TTC38: variants seen among roughly 807,000 people sequenced by gnomAD.
TTC38 encodes the protein tetratricopeptide repeat domain 38, also known as tetratricopeptide repeat protein 38.
In TTC38, 64 loss-of-function variants were observed where a neutral mutation model predicts 64.2. The observed-to-expected ratio is 1.00, with a 90% CI of 0.81 to 1.23. The LOEUF (loss-of-function observed/expected upper bound fraction) is 1.23. TTC38 is among the 50% of genes most tolerant of loss of function. TTC38 has a pLI of 0.00. For synonymous variants in TTC38, 254 were observed against 249.3 expected, an observed-to-expected ratio of 1.02 and a Z score of -0.18; for missense variants, 573 against 615.5, an observed-to-expected ratio of 0.93 and a Z score of 0.73.
intron 1 of TTC38, 74 bp from the exon 2 acceptor site, chr22:46,268,440 G>A (rs1262527926): frequency 1.3e-6 from 2 of 1,492,764 alleles, no homozygotes; most frequent in Non-Finnish European, 1.9e-6. Flanking sequence ...AGAGGGGCCA[G>A]GAGACGTGTG....
intron 11 of TTC38, 45 bp from the exon 12 acceptor site, chr22:46,289,357 T>C: frequency 6.3e-7 from 1 of 1,589,764 alleles, no homozygotes; most frequent in East Asian, 2.3e-5. Flanking sequence ...TTCCCGGATG[T>C]TCTGTGATGG....
Position 46,283,994 on chromosome 22 carries a change from C to A in TTC38, c.757C>A (p.His253Asn). The A allele has an allele frequency of 1.9e-6, 3 of 1,545,066 alleles. No homozygotes were observed. The highest frequency in any genetic ancestry group is 2.2e-5 in the South Asian group (2 of 89,650). ...FWKDSDMLAC[H>N]NYWHWALYLI... ...CCAGGACTCTGATATGTTGGCTTGT[C>A]ATAACTATTGGCACTGGGCTTTATA... The change falls in exon 8 of 14, where the codon CAT (histidine) becomes AAT (asparagine). Residue 253 changes from histidine to asparagine, a missense_variant. Physicochemically the swap from His to Asn is moderately conservative, Grantham distance 68 (BLOSUM62 1). Transcript: ENST00000381031.
intron 6 of TTC38, among the ~76,000 whole-genome samples, chr22:46,279,283 CTG>C (rs769328840): frequency 6.1e-4 from 93 of 152,298 alleles, no homozygotes; most frequent in Admixed American, 1.0e-3. Context: ...GGAGTGGAAA[CTG>C]AGGCCCATGG....
chr22:46,286,978 G>T, intron 9 of TTC38, 95 bp from the exon 10 acceptor site: 1 of 945,348 alleles, frequency 1.1e-6, no homozygotes, highest in Non-Finnish European at 1.6e-6. Context: ...CTCTATGCAG[G>T]CCCCACCCCA....
In TTC38 at chr22:46,273,907, A is replaced by G. The variant is rs758771596; in HGVS notation, c.203A>G (p.His68Arg). 6.2e-7 allele frequency: 1 copy of G among 1,614,232 alleles called. No homozygotes were observed. Among genetic ancestry groups the G allele is most frequent in the Non-Finnish European group, 8.5e-7 (1 of 1,180,048 alleles). Residue 68 changes from histidine (H) to arginine (R), a missense_variant, in exon 4 of 14, where the codon CAC becomes CGC. Physicochemically the swap from His to Arg is conservative, Grantham distance 29. This residue lies in a region of TTC38 where 134 missense variants were observed against 126.5 expected (regional missense o/e 1.06). Coordinates refer to ENST00000381031, the MANE Select transcript of TTC38 (RefSeq NM_017931.4). The surrounding 1 kb of genome is among the most constrained non-coding windows in gnomAD (Gnocchi z 5.1). ...TCTAACCTCCCACCAGTGATGGGCC[A>G]CGCCATGGCTACTGGCCTTGTGCTG... ...KAADPTFVMGHAMATGLVLIG... is the reference protein window; with the variant it reads ...KAADPTFVMGRAMATGLVLIG...
chr22:46,274,546 C>T lies in TTC38; in HGVS notation c.365+477C>T, dbSNP rs775155100. Among the ~76,000 whole-genome samples, 3 of 152,148 alleles carry T rather than the reference C, an allele frequency of 2.0e-5. No individual in the cohort carries two copies. The highest frequency in any genetic ancestry group is 2.9e-5 in the Non-Finnish European group (2 of 68,030). On this transcript the variant is annotated intron_variant, in intron 4 of 13. Coordinates refer to ENST00000381031, the MANE Select transcript of TTC38 (RefSeq NM_017931.4). The surrounding 1 kb of genome is among the most constrained non-coding windows in gnomAD (Gnocchi z 4.8). The stretch of plus-strand genomic sequence containing the variant: ...CAGCCCCCATGTCTGCTCAGGCAGG[C>T]GAGATGCCCTGCAGAGTTAGGCGAC...
chr22:46,276,056 C>T lies in TTC38; in HGVS notation c.539+635C>T, dbSNP rs1351438695. Among the ~76,000 whole-genome samples the T allele has an allele frequency of 1.3e-5, 2 of 152,220 alleles. No homozygotes were observed. The highest frequency in any genetic ancestry group is 2.9e-5 in the Non-Finnish European group (2 of 68,038). On this transcript the variant is annotated intron_variant, in intron 5 of 13. Transcript: ENST00000381031. This position sits in a 1 kb window ranked among gnomAD's most constrained non-coding sequence, Gnocchi z 4.7. ...GACTGACTTCACTGCAGCTTCATTA[C>T]AGAATAGTTGTGAGGTTCGGACAGG...
In TTC38 at chr22:46,275,627, G is replaced by C. The variant is rs1936992415; in HGVS notation, c.539+206G>C. Among the ~76,000 whole-genome samples the C allele has an allele frequency of 6.6e-6, 1 of 152,176 alleles. No individual in the cohort carries two copies. Among genetic ancestry groups the C allele is most frequent in the African/African-American group, 2.4e-5 (1 of 41,446 alleles). ...AGGTAGTACCATTATGTATCAGTCAGCATGGGATTGTTTTTGCTGCAGTAA... is the reference window on the plus strand; with the variant it reads ...AGGTAGTACCATTATGTATCAGTCACCATGGGATTGTTTTTGCTGCAGTAA... On this transcript the variant is annotated intron_variant, in intron 5 of 13. Transcript: ENST00000381031. The surrounding 1 kb of genome is among the most constrained non-coding windows in gnomAD (Gnocchi z 4.5).
rs376689777 is a variant in TTC38 at position 46,287,172 on chromosome 22, C to T, written c.916+18C>T. 5.0e-6 allele frequency: 8 copies of T among 1,588,932 alleles called. No homozygotes were observed. The African/African-American group carries it at 1.1e-4, about 21-fold the overall frequency. ...GATGGAAGGTAGCCATCCCTGCAGCCCCACTGGCTTCTGCCTCTTCCTCCC... is the reference window on the plus strand; with the variant it reads ...GATGGAAGGTAGCCATCCCTGCAGCTCCACTGGCTTCTGCCTCTTCCTCCC... On this transcript the variant is annotated intron_variant, in intron 10 of 13. Transcript: ENST00000381031.
intron 5 of TTC38, among the ~76,000 whole-genome samples, chr22:46,278,161 C>T (rs1057259786): frequency 1.3e-5 from 2 of 152,182 alleles, no homozygotes; most frequent in Non-Finnish European, 2.9e-5. Flanking sequence ...TGGTTTGGAG[C>T]AGCAGACAGG....
intron 13 of TTC38, 22 bp downstream of exon 13, chr22:46,289,921 A>C (rs1397289173): frequency 1.9e-6 from 3 of 1,610,492 alleles, no homozygotes; most frequent in Non-Finnish European, 2.5e-6. Context: ...GCCCCTGCCC[A>C]GCACTCCCGA....
chr22:46,284,410 C>G (rs1248023266), intron 8 of TTC38, among the ~76,000 whole-genome samples: 1 of 152,256 alleles, frequency 6.6e-6, no homozygotes, highest in African/African-American at 2.4e-5. Flanking sequence ...ATGTACAAGA[C>G]TGTCACTTGC....
rs761952799 is a variant in TTC38 at position 46,281,997 on chromosome 22, T to C, written c.735+279T>C. ...GCCTGGTCAGGAGGAGCGAGCAGCCTCTTCAAAGCACATGAGCTGCACCAT... is the reference window on the plus strand; with the variant it reads ...GCCTGGTCAGGAGGAGCGAGCAGCCCCTTCAAAGCACATGAGCTGCACCAT... On this transcript the variant is annotated intron_variant, in intron 7 of 13. Transcript: ENST00000381031. The surrounding 1 kb of genome is among the most constrained non-coding windows in gnomAD (Gnocchi z 5.2). 6 of 587,744 alleles carry C rather than the reference T, an allele frequency of 1.0e-5. No individual in the cohort carries two copies. Among genetic ancestry groups the C allele is most frequent in the South Asian group, 9.2e-5 (6 of 65,532 alleles). 36.4% of individuals were successfully genotyped at this position (587,744 alleles called of 1,614,324 possible).
chr22:46,274,148 C>T lies in TTC38; in HGVS notation c.365+79C>T. 1 of 1,040,876 alleles carries T rather than the reference C, an allele frequency of 9.6e-7. No individual in the cohort carries two copies. Among genetic ancestry groups the T allele is most frequent in the Admixed American group, 2.1e-5 (1 of 47,550 alleles). 64.5% of individuals were successfully genotyped at this position (1,040,876 alleles called of 1,614,324 possible). ...TGGCAGGGTATCCCTTTCCTGATGC[C>T]CTTGGGACGGGGGCGGGGTGGGAGA... On this transcript the variant is annotated intron_variant, in intron 4 of 13. Transcript: ENST00000381031. The surrounding 1 kb of genome is among the most constrained non-coding windows in gnomAD (Gnocchi z 4.8).
chr22:46,290,427 G>A (rs2077604993), intron 13 of TTC38, among the ~76,000 whole-genome samples: 2 of 142,904 alleles, frequency 1.4e-5, no homozygotes, highest in Non-Finnish European at 3.2e-5. Flanking sequence ...GGGCAGACCC[G>A]AAACCACAGT....
At position 46,281,505 on chromosome 22, in the gene TTC38, G is replaced by C; in HGVS notation, c.616-94G>C. 8.2e-6 allele frequency: 10 copies of C among 1,217,624 alleles called. No homozygotes were observed. Among genetic ancestry groups the C allele is most frequent in the African/African-American group, 1.5e-5 (1 of 66,830 alleles). 75.4% of individuals were successfully genotyped at this position (1,217,624 alleles called of 1,614,324 possible). A position where few individuals can be genotyped will look rare whatever the true frequency, so the allele number is the denominator to read the frequency against. On this transcript the variant is annotated intron_variant, in intron 6 of 13. Transcript: ENST00000381031. The surrounding 1 kb of genome is among the most constrained non-coding windows in gnomAD (Gnocchi z 5.2). Reference sequence around the variant, plus strand: ...CACTTGCTCCACCCCGTTCAGCCCAGGCCCCTCTTGCCCCTTAGAGACCTG... The same window carrying C: ...CACTTGCTCCACCCCGTTCAGCCCACGCCCCTCTTGCCCCTTAGAGACCTG...
intron 9 of TTC38, among the ~76,000 whole-genome samples, chr22:46,286,560 C>G (rs2077573051): frequency 6.6e-6 from 1 of 151,770 alleles, no homozygotes; most frequent in Admixed American, 6.6e-5. Context: ...ACTTAGGAGG[C>G]TGAGGCAGGA....
chr22:46,281,842 C>T lies in TTC38; in HGVS notation c.735+124C>T. The T allele has an allele frequency of 9.5e-6, 12 of 1,269,572 alleles. No individual in the cohort carries two copies. The highest frequency in any genetic ancestry group is 1.3e-5 in the Non-Finnish European group (12 of 891,250). 78.6% of individuals were successfully genotyped at this position (1,269,572 alleles called of 1,614,324 possible). A position where few individuals can be genotyped will look rare whatever the true frequency, so the allele number is the denominator to read the frequency against. On this transcript the variant is annotated intron_variant, in intron 7 of 13. Coordinates refer to ENST00000381031, the MANE Select transcript of TTC38 (RefSeq NM_017931.4). This position sits in a 1 kb window ranked among gnomAD's most constrained non-coding sequence, Gnocchi z 5.2. ...ATTCTCGGGGTTCCCTCTCCTCCTC[C>T]ACCTGCACCTGCCTCAGGTGTTTGG... is the stretch of plus-strand genomic sequence containing the variant.
At position 46,269,441 on chromosome 22, in the gene TTC38, G is replaced by A. The variant is rs566186778; in HGVS notation, c.111+850G>A. Among the ~76,000 whole-genome samples the A allele has an allele frequency of 2.7e-4, 41 of 152,312 alleles. 1 individual carries two copies. The highest frequency in any genetic ancestry group is 6.8e-3 in the Middle Eastern group (2 of 294). Reference sequence around the variant, plus strand: ...TTCCTTGACAAGTGGGGAAACTGAGGCTCAGAGTTGAACCTACTTGACTTG... The same window carrying A: ...TTCCTTGACAAGTGGGGAAACTGAGACTCAGAGTTGAACCTACTTGACTTG... On this transcript the variant is annotated intron_variant, in intron 2 of 13. Coordinates refer to ENST00000381031, the MANE Select transcript of TTC38 (RefSeq NM_017931.4).
Sources: gnomAD v4.1 joint callset for allele counts (sites outside exome capture counted in the v4.1 genomes callset) on GRCh38, gnomAD v4.1.1 for gene constraint, gnomAD v4.1.1 regional missense constraint, Gnocchi (gnomAD v3.1) non-coding constraint, MANE v1.5 for transcripts, NCBI Gene and HGNC (gene_info 2026-07-23, HGNC 2026-07-21) for gene names.